JPT1: variants seen among roughly 807,000 people sequenced by gnomAD.
The protein encoded by JPT1 is Jupiter microtubule associated homolog 1, also known as androgen-regulated protein 2.
Under a neutral mutation model 17.0 loss-of-function variants are expected in JPT1, and 5 were observed. The ratio of observed to expected loss-of-function variants is 0.29; its 90% CI spans 0.15 to 0.62. JPT1 has a LOEUF of 0.62. Ranked by LOEUF, JPT1 falls within the 20% of genes least tolerant of loss-of-function variation. The probability of loss-of-function intolerance (pLI) is 0.85; values close to 1 mark genes in which losing one functional copy is unlikely to be tolerated. For synonymous variants in JPT1, 71 were observed against 73.6 expected (o/e 0.96, Z 0.18); for missense variants, 158 against 188.1 (o/e 0.84, Z 0.94).
intron 4 of JPT1, among the ~76,000 whole-genome samples, chr17:75,138,121 C>T (rs2145159148): frequency 6.6e-6 from 1 of 151,982 alleles, no homozygotes; most frequent in East Asian, 1.9e-4. Flanking sequence ...CTACAACGCC[C>T]GACTAATTTT....
chr17:75,154,310 C>T (rs2074600571), intron 1 of JPT1, 32 bp downstream of exon 1: 2 of 1,529,682 alleles, frequency 1.3e-6, no homozygotes. Flanking sequence ...CCCTCAGCCC[C>T]GCGCGGCTCG....
At chr17:75,143,809 C>G (rs1357086643) in intron 4 of JPT1, among the ~76,000 whole-genome samples, 1 of 151,844 alleles carries the variant, frequency 6.6e-6, no homozygotes, top group Non-Finnish European at 1.5e-5. Context: ...GCACTCCAGC[C>G]TGGGTGACAG....
intron 4 of JPT1, chr17:75,146,011 T>C (rs4788869): frequency 0.98 from 149,360 of 152,240 alleles, 73,346 homozygotes; most frequent in East Asian, 1. Context: ...CCAAGGAGGT[T>C]GAGGCCACAG....
intron 4 of JPT1, chr17:75,142,750 AACCTAG>A: frequency 2.2e-6 from 1 of 456,048 alleles, no homozygotes; most frequent in Non-Finnish European, 4.4e-6. Context: ...GGAATCAAAA[AACCTAG>A]ATTTTACCTC....
intron 1 of JPT1, chr17:75,154,002 T>A (rs2145202215): frequency 5.8e-6 from 1 of 171,428 alleles, no homozygotes; most frequent in East Asian, 1.6e-4. Context: ...ACCCTGGGGA[T>A]GCACCAGCCG....
intron 4 of JPT1, among the ~76,000 whole-genome samples, chr17:75,142,284 G>A (rs2074328587): frequency 6.6e-6 from 1 of 151,552 alleles, no homozygotes; most frequent in Non-Finnish European, 1.5e-5. Flanking sequence ...AACCGGCCGG[G>A]CCTGGTGGCT....
rs997217391 is a variant in JPT1 at position 75,147,570 on chromosome 17, A to C, written c.283T>G (p.Phe95Val). ...RNSSEASSGD[F>V]LDLKGEGDIH... ...GTCACACTGACCTTCAGATCTAAGA[A>C]GTCTCCGGAGCTTGCTTCAGAGGAG... Residue 95 changes from phenylalanine (F) to valine (V), a missense_variant, in exon 3 of 5, where the codon TTC becomes GTC. Coordinates refer to ENST00000409753, the MANE Select transcript of JPT1 (RefSeq NM_016185.4). 18 of 1,613,036 alleles carry C rather than the reference A, an allele frequency of 1.1e-5. No individual in the cohort carries two copies. Among genetic ancestry groups the C allele is most frequent in the Non-Finnish European group, 1.5e-5 (18 of 1,179,120 alleles).
intron 2 of JPT1, 173 bp from the exon 3 acceptor site, chr17:75,147,826 C>T: frequency 1.8e-6 from 1 of 561,226 alleles, no homozygotes; most frequent in Non-Finnish European, 3.2e-6. Flanking sequence ...TGGTAAAACC[C>T]TGTCTCTACT....
chr17:75,137,669 A>C (rs2074229681), intron 4 of JPT1, among the ~76,000 whole-genome samples: 2 of 130,762 alleles, frequency 1.5e-5, no homozygotes, highest in East Asian at 2.3e-4. Flanking sequence ...TTCACCCTTC[A>C]CACAGCCTAG....
chr17:75,142,716 GGAA>G, intron 4 of JPT1: 1 of 452,320 alleles, frequency 2.2e-6, no homozygotes, highest in South Asian at 1.6e-5. Flanking sequence ...GGGAGAGGAG[GGAA>G]GAAGGAAGGA....
chr17:75,137,388 A>G (rs1252214669), intron 4 of JPT1, among the ~76,000 whole-genome samples: 2 of 151,074 alleles, frequency 1.3e-5, no homozygotes, highest in African/African-American at 2.4e-5. Context: ...ACAGGGTCTC[A>G]CTCTGTGGCC....
At chr17:75,149,596 T>C (rs552268875) in intron 1 of JPT1, among the ~76,000 whole-genome samples, 4 of 151,926 alleles carry the variant, frequency 2.6e-5, no homozygotes, top group Non-Finnish European at 4.4e-5. Context: ...CTTGATCTCC[T>C]GACCTCATGA....
intron 2 of JPT1, chr17:75,147,866 G>A (rs2074470183): frequency 4.0e-6 from 2 of 500,346 alleles, no homozygotes; most frequent in Non-Finnish European, 7.3e-6. Flanking sequence ...GGACGTCATG[G>A]TGCATGCTTG....
intron 4 of JPT1, among the ~76,000 whole-genome samples, chr17:75,137,685 CTTTTTTTTT>C (rs60118585): frequency 2.1e-4 from 24 of 112,844 alleles, no homozygotes; most frequent in Admixed American, 1.2e-3. Flanking sequence ...CCTAGTTTTC[CTTTTTTTTT>C]TTTTTTTTTT....
Position 75,148,614 on chromosome 17 carries a change from T to C in JPT1, c.114A>G (p.Thr38=). ...SNFSLGFDEP[T]EQPVRKNKMA... ...TTTTGTTCTTCCTCACAGGTTGTTC[T>C]GTTGGTTCATCAAAACCTAATGAAA... Residue 38 remains threonine (T), a synonymous_variant, in exon 2 of 5, where the codon ACA becomes ACG. Coordinates refer to ENST00000409753, the MANE Select transcript of JPT1 (RefSeq NM_016185.4). 1 of 1,614,214 alleles carries C rather than the reference T, an allele frequency of 6.2e-7. No homozygotes were observed. The highest frequency in any genetic ancestry group is 1.1e-5 in the South Asian group (1 of 91,088).
rs746292658 is a variant in JPT1 at position 75,148,485 on chromosome 17, C to G, written c.199+44G>C. 2.5e-6 allele frequency: 4 copies of G among 1,602,272 alleles called. No individual in the cohort carries two copies. In the South Asian group the frequency reaches 3.4e-5, roughly 13 times the overall value. On this transcript the variant is annotated intron_variant, in intron 2 of 4. Transcript: ENST00000409753. ...CAAGCTGCATCTGTGGCTGTTGATGCTGGGCCCATCCCTTTGAACAGTGAG... is the reference window on the plus strand; with the variant it reads ...CAAGCTGCATCTGTGGCTGTTGATGGTGGGCCCATCCCTTTGAACAGTGAG...
rs553432795 is a variant in JPT1, at chr17:75,146,781, G to C, written c.298-97C>G. 96 of 749,812 alleles carry C rather than the reference G, an allele frequency of 1.3e-4. No individual in the cohort carries two copies. The African/African-American group carries it at 1.5e-3, about 12-fold the overall frequency. The allele number at this position is 749,812 out of a possible 1,614,324, so 46.4% of individuals were successfully genotyped here. On this transcript the variant is annotated intron_variant, in intron 3 of 4. Transcript: ENST00000409753. ...TAGCAGCTAACATCTACTTGAAACCGAATGTGACATTTCATTGTGTTGCAA... is the reference window on the plus strand; with the variant it reads ...TAGCAGCTAACATCTACTTGAAACCCAATGTGACATTTCATTGTGTTGCAA...
intron 1 of JPT1, among the ~76,000 whole-genome samples, chr17:75,151,891 C>T (rs1255695967): frequency 6.6e-6 from 1 of 151,892 alleles, no homozygotes; most frequent in Non-Finnish European, 1.5e-5. Context: ...ATCGCTTGAA[C>T]CTGGAAAGCA....
chr17:75,146,241 C>T (rs542302247), intron 4 of JPT1, among the ~76,000 whole-genome samples: 4 of 152,286 alleles, frequency 2.6e-5, no homozygotes, highest in Non-Finnish European at 4.4e-5. Flanking sequence ...GCAACCTCCA[C>T]GTCCTGAGCT....
Sources: allele counts gnomAD v4.1 joint callset (sites outside exome capture counted in the v4.1 genomes callset), GRCh38; gene constraint gnomAD v4.1.1; transcripts MANE v1.5; gene names NCBI Gene and HGNC (gene_info 2026-07-23, HGNC 2026-07-21).